Variants in LARP1B observed in about 807,000 individuals in gnomAD.
LARP1B encodes the protein la-related protein 1B.
In LARP1B, 76 loss-of-function variants were observed where a neutral mutation model predicts 114.2. The ratio of observed to expected loss-of-function variants is 0.67; its 90% confidence interval spans 0.55 to 0.81. LARP1B has a LOEUF of 0.81. LARP1B is among the 30% of genes least tolerant of loss of function. LARP1B has a pLI of 0.00. For synonymous variants in LARP1B, 345 were observed against 348.0 expected (o/e 0.99, Z 0.10); for missense variants, 1,014 against 1,075.8 (o/e 0.94, Z 0.80).
rs758904176 is a variant in LARP1B, at chr4:128,105,246, C to T, written c.814-1893C>T. 1.2e-3 allele frequency among the ~76,000 whole-genome samples: 180 copies of T among 152,248 alleles called. 2 individuals carry two copies. The highest frequency in any genetic ancestry group is 1.8e-3 in the Admixed American group (28 of 15,296). ...GCTCTTTCTAGTCAGTGTCACACAG[C>T]CTCTCCAACAACTTTTCTGATTTTC... On this transcript the variant is annotated intron_variant, in intron 8 of 19. Coordinates refer to ENST00000326639, the MANE Select transcript of LARP1B (RefSeq NM_018078.4).
At chr4:128,138,157 C>T (rs575152319) in intron 11 of LARP1B, among the ~76,000 whole-genome samples, 14 of 151,932 alleles carry the variant, frequency 9.2e-5, no homozygotes, top group Non-Finnish European at 1.3e-4. Flanking sequence ...TTATATCTAA[C>T]GCACAATAGA....
chr4:128,077,701 TTTAGG>T, intron 3 of LARP1B, 82 bp from the exon 4 acceptor site: 1 of 1,339,066 alleles, frequency 7.5e-7, no homozygotes. Context: ...GTTTTGCAAT[TTTAGG>T]TTAGGTATAT....
At chr4:128,191,556 AAAGGGG>A (rs1409893858) in intron 15 of LARP1B, among the ~76,000 whole-genome samples, 1 of 152,108 alleles carries the variant, frequency 6.6e-6, no homozygotes, top group African/African-American at 2.4e-5. Context: ...TGGGGGTGGC[AAAGGGG>A]ATTACCCCAA....
At chr4:128,206,155 G>C (rs1757531776) in intron 17 of LARP1B, among the ~76,000 whole-genome samples, 1 of 152,080 alleles carries the variant, frequency 6.6e-6, no homozygotes, top group South Asian at 2.1e-4. Context: ...AGCTGGATGT[G>C]GTGGTGGGCA....
At chr4:128,203,624 T>G (rs1364451289) in intron 17 of LARP1B, among the ~76,000 whole-genome samples, 1 of 152,110 alleles carries the variant, frequency 6.6e-6, no homozygotes, top group African/African-American at 2.4e-5. Flanking sequence ...TCCACCCACC[T>G]CGGCCTCCCA....
chr4:128,173,668 A>G lies in LARP1B; in HGVS notation c.1649-3204A>G, dbSNP rs541833851. On this transcript the variant is annotated intron_variant, in intron 12 of 19. Coordinates refer to ENST00000326639, the MANE Select transcript of LARP1B (RefSeq NM_018078.4). The stretch of plus-strand genomic sequence containing the variant: ...GTTCACCTGGAAAGCTTGTTGAAAC[A>G]GATTAAAGGACTCTGTATCAACTTT... Among the ~76,000 whole-genome samples the G allele has an allele frequency of 3.3e-5, 5 of 152,346 alleles. No homozygotes were observed. The South Asian group carries it at 6.2e-4, about 19-fold the overall frequency.
intron 11 of LARP1B, among the ~76,000 whole-genome samples, chr4:128,147,072 G>GA (rs1392595597): frequency 6.6e-6 from 1 of 152,128 alleles, no homozygotes; most frequent in Non-Finnish European, 1.5e-5. Context: ...ACAGATATTT[G>GA]AGTAGCTGTT....
intron 12 of LARP1B, among the ~76,000 whole-genome samples, chr4:128,166,968 C>CTATA (rs1402176736): frequency 1.3e-3 from 108 of 81,030 alleles, no homozygotes; most frequent in African/African-American, 4.1e-3. Context: ...CTCTCTCTCT[C>CTATA]TCTATATATA....
chr4:128,197,696 A>G (rs1182534557), intron 15 of LARP1B, among the ~76,000 whole-genome samples: 1 of 152,144 alleles, frequency 6.6e-6, no homozygotes, highest in African/African-American at 2.4e-5. Flanking sequence ...CTGTCTCAAA[A>G]AAAAGAAAAA....
intron 10 of LARP1B, among the ~76,000 whole-genome samples, chr4:128,117,393 T>C (rs1269085091): frequency 6.6e-6 from 1 of 151,890 alleles, no homozygotes; most frequent in African/African-American, 2.4e-5. Flanking sequence ...CATTTATCTA[T>C]TTATTTTTTT....
intron 8 of LARP1B, among the ~76,000 whole-genome samples, chr4:128,104,815 A>C (rs1274337769): frequency 1.3e-5 from 2 of 152,156 alleles, no homozygotes; most frequent in Admixed American, 6.6e-5. Context: ...CTTTGATGCT[A>C]CTGTGAACGT....
intron 11 of LARP1B, chr4:128,155,825 G>A: frequency 6.3e-7 from 1 of 1,582,322 alleles, no homozygotes. Context: ...GAGAAATCAG[G>A]GCTGCAGCGA....
chr4:128,130,116 G>A (rs1791088737), intron 11 of LARP1B, among the ~76,000 whole-genome samples: 1 of 152,164 alleles, frequency 6.6e-6, no homozygotes, highest in African/African-American at 2.4e-5. Flanking sequence ...ACTTTGGGAG[G>A]CTGAAGTGGG....
At chr4:128,075,484 CTTG>C (rs1479212275) in intron 3 of LARP1B, among the ~76,000 whole-genome samples, 8 of 151,848 alleles carry the variant, frequency 5.3e-5, no homozygotes, top group Non-Finnish European at 1.2e-4. Flanking sequence ...TGGTAATGAA[CTTG>C]TTGTCTTAAG....
intron 7 of LARP1B, chr4:128,220,492 A>T (rs1230813015): frequency 9.6e-6 from 2 of 209,410 alleles, no homozygotes; most frequent in African/African-American, 4.7e-5. Context: ...TGGTGATATC[A>T]TATAATTATA....
In LARP1B at chr4:128,210,302, A is replaced by G; in HGVS notation, c.*249A>G. ...ACAAGGATAGTCTTGGTGACCTTTT[A>G]TAGAGATCTTCTAGTAATGTATTTT... On this transcript the variant is annotated 3_prime_UTR_variant, in exon 20 of 20. Coordinates refer to ENST00000326639, the MANE Select transcript of LARP1B (RefSeq NM_018078.4). The G allele has an allele frequency of 1.6e-6, 2 of 1,279,144 alleles. No individual in the cohort carries two copies. Among genetic ancestry groups the G allele is most frequent in the Non-Finnish European group, 2.0e-6 (2 of 1,010,280 alleles). The allele number at this position is 1,279,144 out of a possible 1,614,324, so 79.2% of individuals were successfully genotyped here. A position where few individuals can be genotyped will look rare whatever the true frequency, so the allele number is the denominator to read the frequency against.
chr4:128,193,557 A>T (rs1461587820), intron 15 of LARP1B, among the ~76,000 whole-genome samples: 1 of 152,088 alleles, frequency 6.6e-6, no homozygotes, highest in African/African-American at 2.4e-5. Context: ...GATAATACCC[A>T]TAGCTGTTGG....
chr4:128,090,827 A>G (rs556571534), intron 5 of LARP1B, among the ~76,000 whole-genome samples, 174 bp from the exon 6 acceptor site: 1 of 152,094 alleles, frequency 6.6e-6, no homozygotes, highest in African/African-American at 2.4e-5. Context: ...TATGCTAGAG[A>G]TATTTTTGAT....
At chr4:128,125,975 A>G (rs1281478526) in intron 11 of LARP1B, among the ~76,000 whole-genome samples, 1 of 152,190 alleles carries the variant, frequency 6.6e-6, no homozygotes. Flanking sequence ...ATTCACCTTT[A>G]TCTTAGACCT....
Sources: allele counts gnomAD v4.1 joint callset (sites outside exome capture counted in the v4.1 genomes callset), GRCh38; gene constraint gnomAD v4.1.1; transcripts MANE v1.5; gene names NCBI Gene and HGNC (gene_info 2026-07-23, HGNC 2026-07-21).